The following TOX variants were observed in gnomAD, a reference collection of about 807,000 sequenced individuals.
TOX encodes thymocyte selection associated high mobility group box, also known as thymocyte selection-associated high mobility group box protein TOX.
A neutral mutation model predicts 53.7 loss-of-function variants in TOX; 11 were observed. That is an observed-to-expected ratio of 0.20 (90% CI 0.13 to 0.34). The LOEUF (loss-of-function observed/expected upper bound fraction) is 0.34, where lower values mean the gene tolerates loss of function less well. TOX is among the 10% of genes least tolerant of loss of function. The pLI, the probability that TOX is intolerant of heterozygous loss-of-function variation, is 1.00. For missense variants in TOX, 570 were observed against 664.6 expected (o/e 0.86, Z 1.56); for synonymous variants, 225 against 245.3 (o/e 0.92, Z 0.77).
intron 5 of TOX, among the ~76,000 whole-genome samples, chr8:58,827,732 T>C (rs1006713359): frequency 2.0e-5 from 3 of 152,224 alleles, no homozygotes; most frequent in African/African-American, 7.2e-5. Context: ...CTTGCTTGTA[T>C]GCTAAAGGTC....
intron 1 of TOX, among the ~76,000 whole-genome samples, chr8:59,055,771 C>G (rs1312208237): frequency 6.6e-6 from 1 of 152,122 alleles, no homozygotes; most frequent in African/African-American, 2.4e-5. Flanking sequence ...ATACAAAACT[C>G]TCTCTAAAGC....
intron 1 of TOX, among the ~76,000 whole-genome samples, chr8:59,018,433 G>T (rs2129419209): frequency 6.6e-6 from 1 of 152,322 alleles, no homozygotes; most frequent in South Asian, 2.1e-4. Context: ...ATATCAGGAA[G>T]ATTCCAGAAT....
chr8:58,865,605 T>C (rs1811083313), intron 3 of TOX, among the ~76,000 whole-genome samples: 1 of 152,088 alleles, frequency 6.6e-6, no homozygotes, highest in African/African-American at 2.4e-5. Context: ...ACTAAAGCAA[T>C]TGTATGCTGC....
chr8:58,971,254 C>T lies in TOX; in HGVS notation c.103-11246G>A, dbSNP rs144186676. Among the ~76,000 whole-genome samples the T allele has an allele frequency of 1.3e-3, 201 of 152,378 alleles. No homozygotes were observed. The Middle Eastern group carries it at 0.02, about 15-fold the overall frequency. On this transcript the variant is annotated intron_variant, in intron 1 of 8. Coordinates refer to ENST00000361421, the MANE Select transcript of TOX (RefSeq NM_014729.3). ...GGAAAAACGACTAGAATGGCAGACA[C>T]TGCCGTTCTTTCCTTCCCATCGCCC...
chr8:58,996,081 C>A (rs1563412550), intron 1 of TOX, among the ~76,000 whole-genome samples: 1 of 152,172 alleles, frequency 6.6e-6, no homozygotes, highest in Admixed American at 6.5e-5. Flanking sequence ...CAGTTTTACT[C>A]TTTCTGACAA....
rs991603014 is a variant in TOX at position 59,003,838 on chromosome 8, C to A, written c.103-43830G>T. 3.9e-5 allele frequency among the ~76,000 whole-genome samples: 6 copies of A among 152,276 alleles called. No individual in the cohort carries two copies. In the East Asian group the frequency reaches 7.7e-4, roughly 20 times the overall value. ...GCAAACATTTTTTAATTTGTTTAAG[C>A]ACAAACATGGTCAGCTCGCTAGAAG... On this transcript the variant is annotated intron_variant, in intron 1 of 8. Coordinates refer to ENST00000361421, the MANE Select transcript of TOX (RefSeq NM_014729.3).
intron 1 of TOX, among the ~76,000 whole-genome samples, chr8:58,966,701 T>C (rs939991622): frequency 3.3e-5 from 5 of 152,066 alleles, no homozygotes; most frequent in African/African-American, 1.2e-4. Context: ...ATAATAATAA[T>C]AATACTATGC....
intron 1 of TOX, among the ~76,000 whole-genome samples, chr8:59,054,976 C>G (rs1442127812): frequency 2.8e-5 from 3 of 105,612 alleles, no homozygotes; most frequent in African/African-American, 9.9e-5. Flanking sequence ...AAGGAAGGGA[C>G]GGAGGGAGGG....
rs114497280 is a variant in TOX at position 58,956,623 on chromosome 8, A to T, written c.168+3320T>A. 4.7e-3 allele frequency among the ~76,000 whole-genome samples: 721 copies of T among 152,244 alleles called. 3 individuals are homozygous for T. The highest frequency in any genetic ancestry group is 0.017 in the African/African-American group (694 of 41,536). Reference sequence around the variant, plus strand: ...ACTATATTATTATTATTATTTTGAGATATAATCTTGCTCTGTTGCCCAGGC... The same window carrying T: ...ACTATATTATTATTATTATTTTGAGTTATAATCTTGCTCTGTTGCCCAGGC... On this transcript the variant is annotated intron_variant, in intron 2 of 8. Coordinates refer to ENST00000361421, the MANE Select transcript of TOX (RefSeq NM_014729.3).
intron 3 of TOX, among the ~76,000 whole-genome samples, chr8:58,935,105 G>A (rs1029848451): frequency 6.6e-6 from 1 of 152,018 alleles, no homozygotes; most frequent in African/African-American, 2.4e-5. Flanking sequence ...TGTTGCCAGT[G>A]GAGATAAGAA....
At chr8:58,937,788 G>A (rs906354942) in intron 3 of TOX, among the ~76,000 whole-genome samples, 1 of 152,018 alleles carries the variant, frequency 6.6e-6, no homozygotes, top group Non-Finnish European at 1.5e-5. Context: ...CATACTGAAC[G>A]CCCCCTTCTT....
chr8:58,956,899 C>T (rs1411393766), intron 2 of TOX, among the ~76,000 whole-genome samples: 3 of 152,214 alleles, frequency 2.0e-5, no homozygotes, highest in Admixed American at 1.3e-4. Context: ...AGGCATGAGC[C>T]ACCACGCCCA....
intron 1 of TOX, among the ~76,000 whole-genome samples, chr8:59,045,995 T>C (rs1264569589): frequency 1.3e-5 from 2 of 152,190 alleles, no homozygotes; most frequent in Non-Finnish European, 2.9e-5. Context: ...ATTGCCCTTC[T>C]CCTGCAATCA....
chr8:58,964,658 C>T (rs1397117442), intron 1 of TOX, among the ~76,000 whole-genome samples: 1 of 152,160 alleles, frequency 6.6e-6, no homozygotes, highest in Non-Finnish European at 1.5e-5. Context: ...TCTCTCATGT[C>T]ATGATTGAAT....
rs999778193 is a variant in TOX, at chr8:59,118,004, C to T, written c.102+882G>A. Among the ~76,000 whole-genome samples the T allele has an allele frequency of 2.0e-5, 3 of 152,172 alleles. No homozygotes were observed. Among genetic ancestry groups the T allele is most frequent in the African/African-American group, 4.8e-5 (2 of 41,436 alleles). On this transcript the variant is annotated intron_variant, in intron 1 of 8. Coordinates refer to ENST00000361421, the MANE Select transcript of TOX (RefSeq NM_014729.3). The surrounding 1 kb of genome is among the most constrained non-coding windows in gnomAD (Gnocchi z 4.1). ...AGAGTAACCCCCTCCCTCGTACCCC[C>T]TGACTGTCCTATAGGTGGACCCAGC...
At chr8:58,829,544 G>A (rs1042879542) in intron 5 of TOX, among the ~76,000 whole-genome samples, 2 of 152,184 alleles carry the variant, frequency 1.3e-5, no homozygotes, top group African/African-American at 4.8e-5. Context: ...GGTCATTTCA[G>A]AAGGTAGATT....
At chr8:58,970,042 A>G (rs1259671447) in intron 1 of TOX, among the ~76,000 whole-genome samples, 1 of 152,220 alleles carries the variant, frequency 6.6e-6, no homozygotes, top group Admixed American at 6.5e-5. Context: ...GATCATTAAT[A>G]TACTCCTAGA....
chr8:58,946,892 G>T (rs1270133137), intron 2 of TOX, among the ~76,000 whole-genome samples: 3 of 152,130 alleles, frequency 2.0e-5, no homozygotes, highest in African/African-American at 7.2e-5. Flanking sequence ...TAAAGAATCA[G>T]GCTTATTTAT....
chr8:58,998,499 A>G (rs1305862538), intron 1 of TOX, among the ~76,000 whole-genome samples: 5 of 74,538 alleles, frequency 6.7e-5, no homozygotes, highest in African/African-American at 2.6e-4. Context: ...AAAAGTATAT[A>G]TATATATATA....
Sources: gnomAD v4.1 joint callset for allele counts (sites outside exome capture counted in the v4.1 genomes callset) on GRCh38, gnomAD v4.1.1 for gene constraint, Gnocchi (gnomAD v3.1) non-coding constraint, MANE v1.5 for transcripts, NCBI Gene and HGNC (gene_info 2026-07-23, HGNC 2026-07-21) for gene names.